Variants in FBH1 observed in about 807,000 individuals in gnomAD.
FBH1 encodes the protein F-box DNA helicase 1.
A neutral mutation model predicts 115.5 loss-of-function variants in FBH1; 43 were observed. The ratio of observed to expected loss-of-function variants is 0.37; its 90% confidence interval spans 0.29 to 0.48. The LOEUF (loss-of-function observed/expected upper bound fraction) is 0.48, where lower values mean the gene tolerates loss of function less well. Among genes scored for constraint, FBH1 ranks in the 20% least tolerant of loss-of-function variants. The pLI, the probability that FBH1 is intolerant of heterozygous loss-of-function variation, is 0.99. For missense variants in FBH1, 1,001 were observed against 1,337.3 expected (o/e 0.75, Z 3.92); for synonymous variants, 524 against 507.8 (o/e 1.03, Z -0.43).
At position 5,897,008 on chromosome 10, in the gene FBH1, A is replaced by G. The variant is rs1843050149; in HGVS notation, c.2-6012A>G. Among the ~76,000 whole-genome samples the G allele has an allele frequency of 6.6e-6, 1 of 152,220 alleles. No individual in the cohort carries two copies. Among genetic ancestry groups the G allele is most frequent in the South Asian group, 2.1e-4 (1 of 4,828 alleles). ...TAATAAGAATAGAAGGGTGATTAGA[A>G]TTCTAGTGTAGTGTTTTGGTTTTAT... is the stretch of plus-strand genomic sequence containing the variant. On this transcript the variant is annotated intron_variant, in intron 1 of 20. Transcript: ENST00000362091. The surrounding 1 kb of genome is among the most constrained non-coding windows in gnomAD (Gnocchi z 4.7).
upstream of FBH1, chr10:5,890,163 C>G (rs1044657321): frequency 4.0e-5 from 13 of 327,368 alleles, no homozygotes; most frequent in East Asian, 5.6e-4. Context: ...GCCGTCAGTC[C>G]GGCTCCGGCG....
chr10:5,913,641 T>A lies in FBH1; in HGVS notation c.1212-106T>A. 1.3e-6 allele frequency: 1 copy of A among 746,252 alleles called. No individual in the cohort carries two copies. The highest frequency in any genetic ancestry group is 2.1e-6 in the Non-Finnish European group (1 of 466,486). The allele number at this position is 746,252 out of a possible 1,614,324, so 46.2% of individuals were successfully genotyped here. A position where few individuals can be genotyped will look rare whatever the true frequency, so the allele number is the denominator to read the frequency against. On this transcript the variant is annotated intron_variant, in intron 6 of 20. Transcript: ENST00000362091. This position sits in a 1 kb window ranked among gnomAD's most constrained non-coding sequence, Gnocchi z 4.4. ...TTTTTCCATTAAATGGTGGTAGGTA[T>A]TTTCTTTTTAGAAATGGGAAGGAGT...
At position 5,937,309 on chromosome 10, in the gene FBH1, G is replaced by A. The variant is rs1833426830; in HGVS notation, c.*29G>A. 4 of 1,506,114 alleles carry A rather than the reference G, an allele frequency of 2.7e-6. No homozygotes were observed. Among genetic ancestry groups the A allele is most frequent in the Non-Finnish European group, 3.6e-6 (4 of 1,122,036 alleles). 93.3% of individuals were successfully genotyped at this position (1,506,114 alleles called of 1,614,324 possible). A position where few individuals can be genotyped will look rare whatever the true frequency, so the allele number is the denominator to read the frequency against. On this transcript the variant is annotated 3_prime_UTR_variant, in exon 21 of 21. Transcript: ENST00000362091. ...CAAGGCGCACGTTCTCCGCAGTGCA[G>A]AGCAGCTTGCCGAGGACCCCGCGTG...
Position 5,911,733 on chromosome 10 carries a change from A to G in FBH1, c.1211+605A>G, listed in dbSNP as rs1238340288. Among the ~76,000 whole-genome samples the G allele has an allele frequency of 6.6e-6, 1 of 152,176 alleles. No homozygotes were observed. The highest frequency in any genetic ancestry group is 1.9e-4 in the East Asian group (1 of 5,188). ...TAGTGAGGGAAGACAGGTCCTATGTAAGTAAATGTGTGAAATGGCATTTTA... is the reference window on the plus strand; with the variant it reads ...TAGTGAGGGAAGACAGGTCCTATGTGAGTAAATGTGTGAAATGGCATTTTA... On this transcript the variant is annotated intron_variant, in intron 6 of 20. Coordinates refer to ENST00000362091, the MANE Select transcript of FBH1 (RefSeq NM_178150.3). This position sits in a 1 kb window ranked among gnomAD's most constrained non-coding sequence, Gnocchi z 5.4.
Position 5,907,830 on chromosome 10 carries a change from A to G in FBH1, c.754-1095A>G, listed in dbSNP as rs148775154. ...TGGATTTTTCAGTTTTCCTTCTGCT[A>G]TTGATTTCTGGTTACATTCCATTGT... is the stretch of plus-strand genomic sequence containing the variant. On this transcript the variant is annotated intron_variant, in intron 3 of 20. Transcript: ENST00000362091. 2.6e-3 allele frequency among the ~76,000 whole-genome samples: 396 copies of G among 152,266 alleles called. 2 individuals carry two copies. The highest frequency in any genetic ancestry group is 8.2e-3 in the African/African-American group (340 of 41,560).
chr10:5,937,389 C>A lies in FBH1; in HGVS notation c.*109C>A. On this transcript the variant is annotated 3_prime_UTR_variant, in exon 21 of 21. Coordinates refer to ENST00000362091, the MANE Select transcript of FBH1 (RefSeq NM_178150.3). The stretch of plus-strand genomic sequence containing the variant: ...CCTGAGACTCTGGGTTCACCCACAG[C>A]ACTTTCTGAGGAAGAGGACACCAGC... 8.0e-7 allele frequency: 1 copy of A among 1,256,664 alleles called. No individual in the cohort carries two copies. Among genetic ancestry groups the A allele is most frequent in the Non-Finnish European group, 1.0e-6 (1 of 958,308 alleles). The allele number at this position is 1,256,664 out of a possible 1,614,324, so 77.8% of individuals were successfully genotyped here.
rs892853263 is a variant in FBH1 at position 5,936,054 on chromosome 10, C to T, written c.2830-402C>T. On this transcript the variant is annotated intron_variant, in intron 19 of 20. Coordinates refer to ENST00000362091, the MANE Select transcript of FBH1 (RefSeq NM_178150.3). The surrounding 1 kb of genome is among the most constrained non-coding windows in gnomAD (Gnocchi z 5.6). ...CCAGCAGCACGGGACGGTGGAAATA[C>T]GCAGGGATGTTTGGGGCAAGTTTTC... 7.3e-5 allele frequency: 12 copies of T among 164,362 alleles called. No individual in the cohort carries two copies. The highest frequency in any genetic ancestry group is 3.4e-4 in the Admixed American group (6 of 17,640). 10.2% of individuals were successfully genotyped at this position (164,362 alleles called of 1,614,324 possible). A position where few individuals can be genotyped will look rare whatever the true frequency, so the allele number is the denominator to read the frequency against.
At position 5,924,213 on chromosome 10, in the gene FBH1, C is replaced by A; in HGVS notation, c.2399-98C>A. ...GAACCCGGGTCTCCCCACTTTAAGA[C>A]CATCTGCTCTTGCGCAGCTGCTTAG... On this transcript the variant is annotated intron_variant, in intron 16 of 20. Transcript: ENST00000362091. This position sits in a 1 kb window ranked among gnomAD's most constrained non-coding sequence, Gnocchi z 6.2. 1.6e-6 allele frequency: 2 copies of A among 1,212,924 alleles called. No homozygotes were observed. The highest frequency in any genetic ancestry group is 1.3e-5 in the South Asian group (1 of 75,698). The allele number at this position is 1,212,924 out of a possible 1,614,324, so 75.1% of individuals were successfully genotyped here. A position where few individuals can be genotyped will look rare whatever the true frequency, so the allele number is the denominator to read the frequency against.
In FBH1 at chr10:5,897,245, TATA is replaced by T. The variant is rs1363893387; in HGVS notation, c.2-5772_2-5770del. Among the ~76,000 whole-genome samples, 2 of 152,206 alleles carry T rather than the reference TATA, an allele frequency of 1.3e-5. No individual in the cohort carries two copies. The highest frequency in any genetic ancestry group is 2.9e-5 in the Non-Finnish European group (2 of 68,030). Reference sequence around the variant, plus strand: ...CTCTGAATTCAGCATGGCAGGTTATTATAATCCTCGTTTTCATAAGCAAGGCTT... The same window carrying T: ...CTCTGAATTCAGCATGGCAGGTTATTATCCTCGTTTTCATAAGCAAGGCTT... On this transcript the variant is annotated intron_variant, in intron 1 of 20. Coordinates refer to ENST00000362091, the MANE Select transcript of FBH1 (RefSeq NM_178150.3). The surrounding 1 kb of genome is among the most constrained non-coding windows in gnomAD (Gnocchi z 4.7).
intron 1 of FBH1, chr10:5,894,925 C>A: frequency 2.1e-6 from 2 of 953,210 alleles, no homozygotes; most frequent in Non-Finnish European, 3.1e-6. Context: ...AGAATTGTTA[C>A]AAGTATCTCG....
intron 19 of FBH1, among the ~76,000 whole-genome samples, chr10:5,930,585 C>G (rs958115430): frequency 5.9e-5 from 9 of 152,204 alleles, no homozygotes; most frequent in Admixed American, 2.0e-4. Flanking sequence ...TGCTTTGCCT[C>G]GTCACATGAG....
In FBH1 at chr10:5,927,529, G is replaced by T; in HGVS notation, c.2817G>T (p.Leu939Phe). Reference protein sequence around the residue: ...LIMTKSLENILTLAGEYFLQA... With the variant: ...LIMTKSLENIFTLAGEYFLQA... ...TGACCAAATCATTGGAAAACATTTT[G>T]ACTTTGGCTGGGGTAAGCAGAACGG... The change falls in exon 19 of 21, where the codon TTG becomes TTT. Residue 939 changes from leucine (L) to phenylalanine (F), a missense_variant. Around this residue, in one of 4 missense-constraint regions of FBH1, gnomAD observed 521 missense variants for 811.0 expected, o/e 0.64. Coordinates refer to ENST00000362091, the MANE Select transcript of FBH1 (RefSeq NM_178150.3). The T allele has an allele frequency of 6.2e-7, 1 of 1,612,940 alleles. No individual in the cohort carries two copies. The highest frequency in any genetic ancestry group is 1.1e-5 in the South Asian group (1 of 90,736).
intron 1 of FBH1, chr10:5,894,466 G>A (rs2131827498): frequency 1.4e-6 from 2 of 1,389,296 alleles, no homozygotes; most frequent in South Asian, 1.2e-5. Flanking sequence ...GGAGACCCGG[G>A]TTCTTGTGTT....
intron 1 of FBH1, 111 bp from the exon 2 acceptor site, chr10:5,902,909 T>A (rs971498275): frequency 4.7e-6 from 5 of 1,061,128 alleles, no homozygotes; most frequent in Non-Finnish European, 6.5e-6. Context: ...GCTGGGGTGT[T>A]GACAAAATCG....
At chr10:5,899,031 C>T (rs1399227422) in intron 1 of FBH1, among the ~76,000 whole-genome samples, 1 of 152,202 alleles carries the variant, frequency 6.6e-6, no homozygotes, top group Non-Finnish European at 1.5e-5. Flanking sequence ...CAGGGTTCAC[C>T]CTGCATGTGT....
chr10:5,921,330 A>G lies in FBH1; in HGVS notation c.2173A>G (p.Lys725Glu). 1 of 1,614,148 alleles carries G rather than the reference A, an allele frequency of 6.2e-7. No homozygotes were observed. Residue 725 changes from lysine to glutamate, a missense_variant, in exon 14 of 21, where the codon AAG (lysine) becomes GAG (glutamate). Lys to Glu is a moderately conservative substitution (Grantham distance 56, BLOSUM62 1). This residue lies in a region of FBH1 where 521 missense variants were observed against 811.0 expected (regional missense o/e 0.64). Coordinates refer to ENST00000362091, the MANE Select transcript of FBH1 (RefSeq NM_178150.3). The surrounding 1 kb of genome is among the most constrained non-coding windows in gnomAD (Gnocchi z 6.4). ...ILDVCKRVRK[K>E]TLVGGNHQSG... Reference sequence around the variant, plus strand: ...GGATGTTTGCAAGAGAGTCAGGAAAAAGACTTTGGTTGGAGGAAACCATCA... The same window carrying G: ...GGATGTTTGCAAGAGAGTCAGGAAAGAGACTTTGGTTGGAGGAAACCATCA...
Position 5,917,307 on chromosome 10 carries a change from C to T in FBH1, c.1789-113C>T, listed in dbSNP as rs772253229. The T allele has an allele frequency of 3.1e-5, 26 of 838,256 alleles. No homozygotes were observed. In the East Asian group the frequency reaches 6.7e-4, roughly 22 times the overall value. 51.9% of individuals were successfully genotyped at this position (838,256 alleles called of 1,614,324 possible). On this transcript the variant is annotated intron_variant, in intron 10 of 20. Transcript: ENST00000362091. The surrounding 1 kb of genome is among the most constrained non-coding windows in gnomAD (Gnocchi z 5.6). ...GGTTAGGGTGGTGTCTGCGGTCCCC[C>T]TTCTGTGAGGATGCCCTGGCTCCAC...
intron 1 of FBH1, chr10:5,894,509 C>CAGGCAAGTCCTCTCTGAGCCCCAGCTT (rs1842902245): frequency 1.1e-6 from 1 of 946,028 alleles, no homozygotes; most frequent in Admixed American, 1.7e-5. Context: ...GAGGTGACTT[C>CAGGCAAGTCCTCTCTGAGCCCCAGCTT]AGGCAAGTCC....
intron 19 of FBH1, among the ~76,000 whole-genome samples, chr10:5,930,590 C>T (rs556343066): frequency 6.6e-6 from 1 of 152,346 alleles, no homozygotes; most frequent in East Asian, 1.9e-4. Context: ...TGCCTCGTCA[C>T]ATGAGGAGGC....
Sources: gnomAD v4.1 joint callset for allele counts (sites outside exome capture counted in the v4.1 genomes callset) on GRCh38, gnomAD v4.1.1 for gene constraint, gnomAD v4.1.1 regional missense constraint, Gnocchi (gnomAD v3.1) non-coding constraint, MANE v1.5 for transcripts, NCBI Gene and HGNC (gene_info 2026-07-23, HGNC 2026-07-21) for gene names.